The following ASIC2 variants were observed in gnomAD, a reference collection of about 807,000 sequenced individuals.
ASIC2 encodes the protein acid-sensing ion channel 2.
A neutral mutation model predicts 57.3 loss-of-function variants in ASIC2; 25 were observed. The ratio of observed to expected loss-of-function variants is 0.44; its 90% CI spans 0.32 to 0.61. The LOEUF (loss-of-function observed/expected upper bound fraction) is 0.61, where lower values mean the gene tolerates loss of function less well. Ranked by LOEUF, ASIC2 falls within the 20% of genes least tolerant of loss-of-function variation. The pLI is 0.06. For synonymous variants in ASIC2, 319 were observed against 307.5 expected (o/e 1.04, Z -0.39); for missense variants, 641 against 738.1 (o/e 0.87, Z 1.52).
intron 1 of ASIC2, among the ~76,000 whole-genome samples, chr17:33,887,808 C>G (rs994050512): frequency 3.3e-5 from 5 of 152,064 alleles, no homozygotes; most frequent in Non-Finnish European, 4.4e-5. Flanking sequence ...TTTAGTGTAG[C>G]CTTTAAAAGA....
intron 1 of ASIC2, among the ~76,000 whole-genome samples, chr17:33,689,986 C>T (rs1459053140): frequency 6.6e-6 from 1 of 152,220 alleles, no homozygotes; most frequent in Non-Finnish European, 1.5e-5. Context: ...AAAACTGAGT[C>T]CAGAAACTTT....
intron 1 of ASIC2, among the ~76,000 whole-genome samples, chr17:34,062,365 C>T (rs1334414882): frequency 2.0e-5 from 3 of 152,064 alleles, no homozygotes; most frequent in African/African-American, 7.2e-5. Flanking sequence ...CTTTGGGATG[C>T]AGCAAAAGTG....
chr17:33,745,695 C>T (rs990237706), intron 1 of ASIC2, among the ~76,000 whole-genome samples: 2 of 151,804 alleles, frequency 1.3e-5, no homozygotes, highest in African/African-American at 4.8e-5. Flanking sequence ...ATCTAATGCC[C>T]AGAAAAACTA....
chr17:33,464,429 C>A (rs533762067), intron 1 of ASIC2, among the ~76,000 whole-genome samples: 1 of 152,148 alleles, frequency 6.6e-6, no homozygotes, highest in East Asian at 1.9e-4. Context: ...TTCCAGACTT[C>A]TACATCATTC....
intron 1 of ASIC2, among the ~76,000 whole-genome samples, chr17:33,579,747 A>G (rs1392042752): frequency 6.6e-6 from 1 of 152,170 alleles, no homozygotes; most frequent in Non-Finnish European, 1.5e-5. Context: ...CAAACACTAA[A>G]CAGCAGCAAA....
intron 1 of ASIC2, among the ~76,000 whole-genome samples, chr17:33,746,313 TAC>T (rs1296716867): frequency 3.3e-5 from 5 of 149,904 alleles, no homozygotes; most frequent in African/African-American, 1.2e-4. Flanking sequence ...TATATACATG[TAC>T]ACATATATAC....
At chr17:33,856,808 G>C (rs1913968508) in intron 1 of ASIC2, among the ~76,000 whole-genome samples, 1 of 152,256 alleles carries the variant, frequency 6.6e-6, no homozygotes, top group South Asian at 2.1e-4. Context: ...TCAGGGACCT[G>C]TAAGCAGTCA....
rs552610142 is a variant in ASIC2, at chr17:33,643,539, C to G, written c.555+512439G>C. ...AAGAGTTTTCCATAAATGGGTGGAC[C>G]TGAGATTTACAAGCATTAAGTTATT... On this transcript the variant is annotated intron_variant, in intron 1 of 9. Transcript: ENST00000359872. Among the ~76,000 whole-genome samples the G allele has an allele frequency of 2.0e-5, 3 of 152,198 alleles. No individual in the cohort carries two copies. The East Asian group carries it at 5.8e-4, about 29-fold the overall frequency.
intron 1 of ASIC2, among the ~76,000 whole-genome samples, chr17:33,547,012 C>A (rs933413276): frequency 6.6e-6 from 1 of 152,166 alleles, no homozygotes; most frequent in Non-Finnish European, 1.5e-5. Flanking sequence ...TAGTGCTTCT[C>A]AAACTTGAGG....
chr17:33,900,094 T>C (rs1352374415), intron 1 of ASIC2, among the ~76,000 whole-genome samples: 4 of 152,230 alleles, frequency 2.6e-5, no homozygotes, highest in Non-Finnish European at 5.9e-5. Context: ...AAGTGACACA[T>C]GGTAACCGCA....
chr17:33,599,221 C>T (rs886356513), intron 1 of ASIC2, among the ~76,000 whole-genome samples: 1 of 152,156 alleles, frequency 6.6e-6, no homozygotes, highest in Admixed American at 6.5e-5. Context: ...AGGTGCACAA[C>T]TAGAGGAAGC....
intron 1 of ASIC2, among the ~76,000 whole-genome samples, chr17:33,768,612 C>CT (rs1235929695): frequency 3.9e-5 from 6 of 152,150 alleles, no homozygotes. Flanking sequence ...GGCAGGTCCC[C>CT]AGTGAAACCC....
At chr17:33,547,236 T>C (rs1915606414) in intron 1 of ASIC2, among the ~76,000 whole-genome samples, 1 of 151,280 alleles carries the variant, frequency 6.6e-6, no homozygotes, top group Non-Finnish European at 1.5e-5. Flanking sequence ...GGGTACCTAA[T>C]GACCATGGAT....
intron 3 of ASIC2, among the ~76,000 whole-genome samples, chr17:33,073,120 A>G (rs1441643785): frequency 6.6e-6 from 1 of 152,234 alleles, no homozygotes; most frequent in Non-Finnish European, 1.5e-5. Flanking sequence ...GGGGGAGGGA[A>G]TAGCCGGGAG....
chr17:33,726,450 C>T (rs1361823618), intron 1 of ASIC2, among the ~76,000 whole-genome samples: 1 of 152,148 alleles, frequency 6.6e-6, no homozygotes, highest in Non-Finnish European at 1.5e-5. Context: ...GCATGTTCAG[C>T]TTGAAATGTC....
chr17:33,262,146 G>C (rs1909309314), intron 1 of ASIC2, among the ~76,000 whole-genome samples: 1 of 152,202 alleles, frequency 6.6e-6, no homozygotes, highest in Non-Finnish European at 1.5e-5. Context: ...CCCTCCCAGT[G>C]CTGCTTCAAA....
At position 33,088,971 on chromosome 17, in the gene ASIC2, T is replaced by A; in HGVS notation, c.879A>T (p.Ala293=). The part of the protein sequence containing the change: ...WGETEETTFE[A]GVKVQIHSQS... ...GACTGTGGATCTGAACTTTCACTCC[T>A]GCTTCAAATGTCGTTTCCTCTGAAA... Residue 293 remains alanine (A), a synonymous_variant, in exon 3 of 10, where the codon GCA becomes GCT. Transcript: ENST00000225823. The A allele has an allele frequency of 6.2e-7, 1 of 1,614,150 alleles. No individual in the cohort carries two copies. The highest frequency in any genetic ancestry group is 2.2e-5 in the East Asian group (1 of 44,886).
intron 1 of ASIC2, among the ~76,000 whole-genome samples, chr17:33,938,717 A>T (rs753336441): frequency 3.3e-5 from 5 of 152,186 alleles, no homozygotes; most frequent in Non-Finnish European, 7.3e-5. Context: ...TGCCCAGCCT[A>T]GGAGCTGGCC....
intron 1 of ASIC2, among the ~76,000 whole-genome samples, chr17:33,543,145 G>A (rs1915472462): frequency 8.3e-6 from 1 of 121,048 alleles, no homozygotes; most frequent in Admixed American, 9.0e-5. Context: ...GTGGGGTGGG[G>A]GGAGGGGGGA....
Sources: gnomAD v4.1 joint callset for allele counts (sites outside exome capture counted in the v4.1 genomes callset) on GRCh38, gnomAD v4.1.1 for gene constraint, MANE v1.5 for transcripts, NCBI Gene and HGNC (gene_info 2026-07-23, HGNC 2026-07-21) for gene names.